The following PIWIL3 variants were observed in gnomAD, a reference collection of about 807,000 sequenced individuals.
PIWIL3 encodes the protein piwi like RNA-mediated gene silencing 3.
A neutral mutation model predicts 109.7 loss-of-function variants in PIWIL3; 101 were observed. The observed-to-expected ratio is 0.92, with a 90% CI of 0.78 to 1.09. PIWIL3 has a LOEUF of 1.09. Among genes scored for constraint, PIWIL3 ranks in the 50% least tolerant of loss-of-function variants. The pLI is 0.00. For missense variants in PIWIL3, 1,031 were observed against 1,072.6 expected (o/e 0.96, Z 0.54); for synonymous variants, 373 against 376.4 (o/e 0.99, Z 0.10).
At position 24,735,893 on chromosome 22, in the gene PIWIL3, C is replaced by A; in HGVS notation, c.1450-1G>T. On this transcript the variant is annotated splice_acceptor_variant, in intron 12 of 20. Coordinates refer to ENST00000616349, the MANE Select transcript of PIWIL3 (RefSeq NM_001255975.1). LOFTEE classifies it high-confidence loss of function. ...AGTCTCCTTGTGAATTGGCTTTAAC[C>A]TGGAAAAGAATTATAAGACATGGCA... 1.9e-6 allele frequency: 3 copies of A among 1,591,712 alleles called. No homozygotes were observed. The highest frequency in any genetic ancestry group is 2.3e-5 in the East Asian group (1 of 44,438).
Position 24,765,422 on chromosome 22 carries a change from AGT to A in PIWIL3, c.-22-2903_-22-2902del, listed in dbSNP as rs577890498. ...AACTTGAAGCAGTCGTAGCTTTGGC[AGT>A]GTTTTGGTTCAGACACCTGTTCACA... On this transcript the variant is annotated intron_variant, in intron 1 of 20. Coordinates refer to ENST00000616349, the MANE Select transcript of PIWIL3 (RefSeq NM_001255975.1). Among the ~76,000 whole-genome samples the A allele has an allele frequency of 1.6e-4, 25 of 152,336 alleles. No individual in the cohort carries two copies. The South Asian group carries it at 4.6e-3, about 28-fold the overall frequency.
intron 1 of PIWIL3, 138 bp from the exon 2 acceptor site, chr22:24,762,659 G>T: frequency 1.3e-6 from 1 of 745,584 alleles, no homozygotes; most frequent in Non-Finnish European, 2.0e-6. Flanking sequence ...TCTGATGGCT[G>T]GAAAGTCCAA....
chr22:24,755,273 C>T (rs1924954576), intron 6 of PIWIL3, among the ~76,000 whole-genome samples: 2 of 152,166 alleles, frequency 1.3e-5, no homozygotes, highest in South Asian at 4.1e-4. Context: ...CAGGCACCTG[C>T]CACCATGCCT....
chr22:24,770,890 T>C (rs955463147), intron 1 of PIWIL3, among the ~76,000 whole-genome samples: 2 of 151,662 alleles, frequency 1.3e-5, no homozygotes, highest in East Asian at 1.9e-4. Context: ...AAACCAAGCA[T>C]GAAGACCCAG....
intron 12 of PIWIL3, among the ~76,000 whole-genome samples, chr22:24,740,514 C>T (rs1268111159): frequency 6.7e-6 from 1 of 148,632 alleles, no homozygotes; most frequent in Admixed American, 6.7e-5. Flanking sequence ...TGCCACTGCA[C>T]TCCATCCTGG....
intron 18 of PIWIL3, among the ~76,000 whole-genome samples, chr22:24,724,495 C>T (rs1414685628): frequency 2.7e-5 from 4 of 150,856 alleles, no homozygotes; most frequent in Non-Finnish European, 4.4e-5. Context: ...AATGCAATGG[C>T]GCGATCTCGG....
At chr22:24,748,681 T>C (rs934482320) in intron 12 of PIWIL3, among the ~76,000 whole-genome samples, 3 of 152,232 alleles carry the variant, frequency 2.0e-5, no homozygotes, top group African/African-American at 7.2e-5. Context: ...CCAAATGCCA[T>C]GAGCAATTGT....
At chr22:24,756,846 A>G (rs1601846303) in intron 4 of PIWIL3, 141 bp from the exon 5 acceptor site, 5 of 689,902 alleles carry the variant, frequency 7.2e-6, no homozygotes, top group Non-Finnish European at 1.2e-5. Context: ...CTGGGAGGCC[A>G]AGGCGGGTGG....
intron 9 of PIWIL3, 75 bp from the exon 10 acceptor site, chr22:24,749,894 C>G (rs1569105966): frequency 1.6e-5 from 26 of 1,604,246 alleles, no homozygotes; most frequent in Non-Finnish European, 2.0e-5. Context: ...TTCAAAAGTG[C>G]ATGTGTGGGA....
intron 1 of PIWIL3, among the ~76,000 whole-genome samples, chr22:24,771,894 C>A (rs1926156356): frequency 1.3e-5 from 2 of 152,236 alleles, no homozygotes; most frequent in South Asian, 2.1e-4. Context: ...CGGGGTTTCA[C>A]CATGTTGGCC....
chr22:24,762,000 G>A (rs1180781075), intron 2 of PIWIL3: 1 of 996,630 alleles, frequency 1.0e-6, no homozygotes, highest in Non-Finnish European at 1.2e-6. Context: ...AGTAAGAGAA[G>A]ACAAAACAGG....
intron 3 of PIWIL3, 151 bp from the exon 4 acceptor site, chr22:24,758,190 A>G: frequency 3.1e-6 from 3 of 970,046 alleles, no homozygotes; most frequent in South Asian, 3.5e-5. Flanking sequence ...GCAAAAGCGT[A>G]ACCTTACCCA....
rs141430651 is a variant in PIWIL3 at position 24,751,576 on chromosome 22, A to C, written c.978-78T>G. 2,336 of 1,552,934 alleles carry C rather than the reference A, an allele frequency of 1.5e-3. 2 individuals carry two copies. Among genetic ancestry groups the C allele is most frequent in the Non-Finnish European group, 1.9e-3 (2,244 of 1,156,766 alleles). On this transcript the variant is annotated intron_variant, in intron 8 of 20. Transcript: ENST00000616349. Reference sequence around the variant, plus strand: ...ATCCACACAGAAAATAGACATTTTTAATCCTGCAAGGAATTGCAGAATATA... The same window carrying C: ...ATCCACACAGAAAATAGACATTTTTCATCCTGCAAGGAATTGCAGAATATA...
At chr22:24,725,825 C>T (rs895341257) in intron 16 of PIWIL3, among the ~76,000 whole-genome samples, 1 of 126,088 alleles carries the variant, frequency 7.9e-6, no homozygotes, top group Non-Finnish European at 2.0e-5. Flanking sequence ...AATCCCTGTG[C>T]TCCCCCTGGT....
At position 24,751,278 on chromosome 22, in the gene PIWIL3, G is replaced by T. The variant is rs1924694847; in HGVS notation, c.1089+109C>A. The stretch of plus-strand genomic sequence containing the variant: ...AAGTCAAGCTATAATCCCCTAAAAG[G>T]AAAATATGTATGTTTATATGACAAA... On this transcript the variant is annotated intron_variant, in intron 9 of 20. Coordinates refer to ENST00000616349, the MANE Select transcript of PIWIL3 (RefSeq NM_001255975.1). 6 of 1,177,332 alleles carry T rather than the reference G, an allele frequency of 5.1e-6. No homozygotes were observed. The East Asian group carries it at 1.5e-4, about 29-fold the overall frequency. The allele number at this position is 1,177,332 out of a possible 1,614,324, so 72.9% of individuals were successfully genotyped here. A position where few individuals can be genotyped will look rare whatever the true frequency, so the allele number is the denominator to read the frequency against.
intron 1 of PIWIL3, among the ~76,000 whole-genome samples, chr22:24,766,723 A>G (rs1925819694): frequency 6.6e-6 from 1 of 152,204 alleles, no homozygotes; most frequent in South Asian, 2.1e-4. Context: ...TTATGAGAGA[A>G]ATAGTTAGTT....
chr22:24,755,999 CA>C (rs1925009980), intron 5 of PIWIL3, 94 bp from the exon 6 acceptor site: 7 of 1,355,102 alleles, frequency 5.2e-6, no homozygotes. Flanking sequence ...CCTGGCTATC[CA>C]ACACACCATC....
At chr22:24,752,519 C>T (rs1297437516) in intron 8 of PIWIL3, among the ~76,000 whole-genome samples, 1 of 152,144 alleles carries the variant, frequency 6.6e-6, no homozygotes, top group African/African-American at 2.4e-5. Context: ...TCAAGCCCCT[C>T]TATAAAACCA....
rs895375087 is a variant in PIWIL3 at position 24,719,757 on chromosome 22, A to G, written c.2496T>C (p.Tyr832=). ...AACAAAAAGTACTTACTGGCAAATT[A>G]TAATACATGTGGCATAGACAATATG... ...RLTYCLCHMY[Y]NLPGIIRVPA... The change falls in exon 20 of 21, where the codon TAT becomes TAC. Residue 832 remains tyrosine, a synonymous_variant. Transcript: ENST00000616349. The G allele has an allele frequency of 1.9e-6, 3 of 1,611,598 alleles. No individual in the cohort carries two copies. The highest frequency in any genetic ancestry group is 8.5e-7 in the Non-Finnish European group (1 of 1,178,428).
Sources: gnomAD v4.1 joint callset for allele counts (sites outside exome capture counted in the v4.1 genomes callset) on GRCh38, gnomAD v4.1.1 for gene constraint, MANE v1.5 for transcripts, NCBI Gene and HGNC (gene_info 2026-07-23, HGNC 2026-07-21) for gene names.